The following ZFHX4 variants were observed in gnomAD, a reference collection of about 807,000 sequenced individuals.
ZFHX4 encodes the protein zinc finger homeobox 4.
ZFHX4 carries 56 observed loss-of-function variants against 267.6 expected under a neutral mutation model. That is an observed-to-expected ratio of 0.21 (90% CI 0.17 to 0.26). ZFHX4 has a LOEUF of 0.26. Ranked by LOEUF, ZFHX4 falls within the 10% of genes least tolerant of loss-of-function variation. ZFHX4 has a pLI of 1.00. For missense variants in ZFHX4, 4,332 were observed against 4,420.0 expected, an observed-to-expected ratio of 0.98 and a Z score of 0.56; for synonymous variants, 1,778 against 1,665.6, an observed-to-expected ratio of 1.07 and a Z score of -1.64.
chr8:76,841,295 C>T (rs1812226783), intron 5 of ZFHX4, among the ~76,000 whole-genome samples: 1 of 152,162 alleles, frequency 6.6e-6, no homozygotes, highest in Admixed American at 6.5e-5. Flanking sequence ...GCAAGTGAGG[C>T]ACTAAATAGA....
rs143455327 is a variant in ZFHX4 at position 76,686,147 on chromosome 8, A to T, written c.-47+4527A>T. Among the ~76,000 whole-genome samples the T allele has an allele frequency of 1.5e-4, 23 of 152,296 alleles. 1 individual carries two copies. In the Middle Eastern group the frequency reaches 0.014, roughly 90 times the overall value. The stretch of plus-strand genomic sequence containing the variant: ...AGTTCCGCACAGCTGCACGAATTTC[A>T]TATGTGATAGAACATTTTTTCCATT... On this transcript the variant is annotated intron_variant, in intron 1 of 10. Transcript: ENST00000651372.
intron 4 of ZFHX4, among the ~76,000 whole-genome samples, chr8:76,787,638 TAA>T (rs748402870): frequency 4.2e-4 from 26 of 62,202 alleles, no homozygotes; most frequent in East Asian, 8.1e-4. Flanking sequence ...CCATCTCCAC[TAA>T]AAAAAAAAAA....
At chr8:76,804,465 C>T (rs957660836) in intron 4 of ZFHX4, among the ~76,000 whole-genome samples, 9 of 151,962 alleles carry the variant, frequency 5.9e-5, no homozygotes, top group African/African-American at 2.2e-4. Flanking sequence ...CCATAAATAC[C>T]TGAAAATAAA....
chr8:76,735,121 G>T (rs1809125071), intron 3 of ZFHX4, among the ~76,000 whole-genome samples: 1 of 152,052 alleles, frequency 6.6e-6, no homozygotes, highest in Non-Finnish European at 1.5e-5. Context: ...AAATCAGCAG[G>T]ACCTAGGAAG....
At chr8:76,685,615 A>C (rs887796644) in intron 1 of ZFHX4, among the ~76,000 whole-genome samples, 1 of 152,214 alleles carries the variant, frequency 6.6e-6, no homozygotes, top group Non-Finnish European at 1.5e-5. Context: ...CTATTGATTT[A>C]TTTCAAAATC....
intron 3 of ZFHX4, among the ~76,000 whole-genome samples, chr8:76,775,918 G>A (rs1222466935): frequency 6.8e-6 from 1 of 147,228 alleles, no homozygotes; most frequent in African/African-American, 2.5e-5. Context: ...TTTTTAATGT[G>A]AAAGTGGCTC....
chr8:76,723,297 T>G (rs1193480323), intron 3 of ZFHX4, among the ~76,000 whole-genome samples: 1 of 152,032 alleles, frequency 6.6e-6, no homozygotes, highest in African/African-American at 2.4e-5. Flanking sequence ...ACCATTAGAA[T>G]TAGAAGATTA....
At chr8:76,828,834 A>G (rs1448708270) in intron 4 of ZFHX4, among the ~76,000 whole-genome samples, 2 of 152,356 alleles carry the variant, frequency 1.3e-5, no homozygotes, top group East Asian at 3.9e-4. Flanking sequence ...GCATAGGAAT[A>G]CAGAAAATGT....
At chr8:76,828,237 T>C (rs1312904887) in intron 4 of ZFHX4, among the ~76,000 whole-genome samples, 1 of 152,212 alleles carries the variant, frequency 6.6e-6, no homozygotes, top group African/African-American at 2.4e-5. Flanking sequence ...AAGCTTGTTA[T>C]GATGAATTTG....
intron 8 of ZFHX4, 195 bp from the exon 9 acceptor site, chr8:76,850,050 T>C: frequency 1.7e-6 from 1 of 586,216 alleles, no homozygotes. Context: ...TAAGCCATAA[T>C]AATAATAATA....
intron 3 of ZFHX4, among the ~76,000 whole-genome samples, chr8:76,722,707 T>C (rs1808755520): frequency 6.6e-6 from 1 of 151,694 alleles, no homozygotes; most frequent in East Asian, 1.9e-4. Flanking sequence ...GGTGCAAAAA[T>C]AGCTTTGAAA....
At chr8:76,703,760 A>G (rs940016923) in intron 1 of ZFHX4, 4 of 254,064 alleles carry the variant, frequency 1.6e-5, no homozygotes, top group Admixed American at 9.8e-5. Context: ...AACAGGAATG[A>G]AAAAACTCAG....
chr8:76,850,795 G>A, intron 9 of ZFHX4, 91 bp from the exon 10 acceptor site: 2 of 1,327,354 alleles, frequency 1.5e-6, no homozygotes, highest in East Asian at 2.6e-5. Context: ...TTAAGCAGAA[G>A]CCTTTAGAGG....
Position 76,866,654 on chromosome 8 carries a change from A to T in ZFHX4, c.*2089A>T, listed in dbSNP as rs1423586995. On this transcript the variant is annotated 3_prime_UTR_variant, in exon 11 of 11. Coordinates refer to ENST00000651372, the MANE Select transcript of ZFHX4 (RefSeq NM_024721.5). ...GTTAAGCAGCAGCATTGTGAGATCG[A>T]TCTGTCCTGGCAGTTAACACGATGT... The T allele has an allele frequency of 6.6e-6, 1 of 152,512 alleles. No homozygotes were observed. The highest frequency in any genetic ancestry group is 1.5e-5 in the Non-Finnish European group (1 of 68,012). The allele number at this position is 152,512 out of a possible 1,614,324, so 9.4% of individuals were successfully genotyped here.
At chr8:76,843,547 C>A (rs1812291034) in intron 6 of ZFHX4, among the ~76,000 whole-genome samples, 1 of 152,074 alleles carries the variant, frequency 6.6e-6, no homozygotes, top group South Asian at 2.1e-4. Flanking sequence ...ATGACTTCAT[C>A]CATGCTTTGT....
chr8:76,745,935 G>C lies in ZFHX4; in HGVS notation c.3094-32273G>C, dbSNP rs1240110270. ...AAGAGTTAAAATAAGCAGATTCCTT[G>C]TCAGTAGGAATCTTTGACAATGAGC... On this transcript the variant is annotated intron_variant, in intron 3 of 10. Coordinates refer to ENST00000651372, the MANE Select transcript of ZFHX4 (RefSeq NM_024721.5). Among the ~76,000 whole-genome samples, 3 of 152,246 alleles carry C rather than the reference G, an allele frequency of 2.0e-5. No individual in the cohort carries two copies. The South Asian group carries it at 6.2e-4, about 32-fold the overall frequency.
intron 3 of ZFHX4, among the ~76,000 whole-genome samples, chr8:76,725,736 G>C (rs1808834268): frequency 6.6e-6 from 1 of 151,856 alleles, no homozygotes; most frequent in Non-Finnish European, 1.5e-5. Context: ...TTGAGGTTTT[G>C]TTTAAGTAAA....
rs775994018 is a variant in ZFHX4, at chr8:76,851,099, A to G, written c.4178A>G (p.His1393Arg). Reference protein sequence around the residue: ...KRQPLSVSDRHVYKYRCNHCS... With the variant: ...KRQPLSVSDRRVYKYRCNHCS... ...CAACCGCTCTCTGTTTCTGACCGTC[A>G]TGTCTACAAGTATCGCTGTAACCAT... The change falls in exon 10 of 11, where the codon CAT becomes CGT. Residue 1393 changes from histidine (H) to arginine (R), a missense_variant. Physicochemically the swap from His to Arg is conservative, Grantham distance 29 (BLOSUM62 0). Coordinates refer to ENST00000651372, the MANE Select transcript of ZFHX4 (RefSeq NM_024721.5). 3.7e-6 allele frequency: 6 copies of G among 1,614,022 alleles called. No homozygotes were observed. Among genetic ancestry groups the G allele is most frequent in the African/African-American group, 1.3e-5 (1 of 75,060 alleles).
At chr8:76,795,715 T>C (rs1032146219) in intron 4 of ZFHX4, among the ~76,000 whole-genome samples, 2 of 151,920 alleles carry the variant, frequency 1.3e-5, no homozygotes. Context: ...GCTAATCTTG[T>C]TTTTAGTAGA....
Sources: allele counts gnomAD v4.1 joint callset (sites outside exome capture counted in the v4.1 genomes callset), GRCh38; gene constraint gnomAD v4.1.1; transcripts MANE v1.5; gene names NCBI Gene and HGNC (gene_info 2026-07-23, HGNC 2026-07-21).